Variants in ZNF559 observed in about 807,000 individuals in gnomAD.
The protein encoded by ZNF559 is putative protein product of Nbla00121.
In ZNF559, 17 loss-of-function variants were observed where a neutral mutation model predicts 14.2. The ratio of observed to expected loss-of-function variants is 1.20; its 90% confidence interval spans 0.82 to 1.80. The LOEUF is 1.80. Among genes scored for constraint, ZNF559 ranks in the 40% most tolerant of loss-of-function variants. The probability of loss-of-function intolerance (pLI) is 0.00; values close to 1 mark genes in which losing one functional copy is unlikely to be tolerated. For synonymous variants in ZNF559, 244 were observed against 212.4 expected (o/e 1.15, Z -1.29); for missense variants, 740 against 629.7 (o/e 1.18, Z -1.88).
chr19:9,338,961 A>G (rs558775755), intron 4 of ZNF559, among the ~76,000 whole-genome samples: 1 of 152,292 alleles, frequency 6.6e-6, no homozygotes, highest in East Asian at 1.9e-4. Flanking sequence ...AGAAGTCACA[A>G]TCTAGTTGTG....
At position 9,331,234 on chromosome 19, in the gene ZNF559, T is replaced by C. The variant is rs372191772; in HGVS notation, c.-120+6454T>C. 4.8e-4 allele frequency among the ~76,000 whole-genome samples: 73 copies of C among 152,292 alleles called. 1 individual carries two copies. Among genetic ancestry groups the C allele is most frequent in the African/African-American group, 1.7e-3 (69 of 41,576 alleles). On this transcript the variant is annotated intron_variant, in intron 2 of 6. Coordinates refer to ENST00000603380, the MANE Select transcript of ZNF559 (RefSeq NM_032497.3). ...AAGTAGCCAATCTCACTTCTTCCCA[T>C]GAAGAAATAATGTGCCACCATGTCC...
intron 2 of ZNF559, among the ~76,000 whole-genome samples, chr19:9,328,654 C>T (rs1599293259): frequency 2.0e-5 from 3 of 152,264 alleles, no homozygotes; most frequent in Admixed American, 2.0e-4. Flanking sequence ...GGATTACAGG[C>T]ATGAGCCACT....
chr19:9,325,727 A>C (rs2066551020), intron 2 of ZNF559, among the ~76,000 whole-genome samples: 2 of 151,662 alleles, frequency 1.3e-5, no homozygotes, highest in Non-Finnish European at 2.9e-5. Context: ...CAGAGGTTGC[A>C]GTGAGCCAAG....
At chr19:9,331,837 T>C (rs7256609) in intron 2 of ZNF559, among the ~76,000 whole-genome samples, 92,653 of 152,048 alleles carry the variant, frequency 0.61, 28,863 homozygotes, top group African/African-American at 0.73. Flanking sequence ...CTGACATTTT[T>C]TATGATATAT....
rs1167268627 is a variant in ZNF559, at chr19:9,343,380, A to G, written c.*312A>G. 6 of 1,124,888 alleles carry G rather than the reference A, an allele frequency of 5.3e-6. No homozygotes were observed. In the African/African-American group the frequency reaches 6.4e-5, roughly 12 times the overall value. The allele number at this position is 1,124,888 out of a possible 1,614,324, so 69.7% of individuals were successfully genotyped here. On this transcript the variant is annotated 3_prime_UTR_variant, in exon 7 of 7. Coordinates refer to ENST00000603380, the MANE Select transcript of ZNF559 (RefSeq NM_032497.3). Reference sequence around the variant, plus strand: ...TGAACTCATGCTGGAGAGAAATGCTATGAATGTGAGGAAGGTGGAAAAGCT... The same window carrying G: ...TGAACTCATGCTGGAGAGAAATGCTGTGAATGTGAGGAAGGTGGAAAAGCT...
At chr19:9,334,482 A>C (rs2067117716) in intron 2 of ZNF559, among the ~76,000 whole-genome samples, 1 of 152,198 alleles carries the variant, frequency 6.6e-6, no homozygotes, top group South Asian at 2.1e-4. Flanking sequence ...TGTTGAATCA[A>C]AAAAGCTAGA....
intron 2 of ZNF559, among the ~76,000 whole-genome samples, chr19:9,327,288 C>A (rs1356187378): frequency 6.6e-6 from 1 of 151,466 alleles, no homozygotes; most frequent in Non-Finnish European, 1.5e-5. Context: ...CACTCTGCCG[C>A]CCAGGCTGGA....
chr19:9,340,422 T>C (rs555600639), intron 5 of ZNF559, among the ~76,000 whole-genome samples: 8 of 152,192 alleles, frequency 5.3e-5, no homozygotes, highest in Admixed American at 6.5e-5. Context: ...TTAAGATCTG[T>C]CTCACTTCTC....
chr19:9,338,378 C>T, intron 3 of ZNF559, 116 bp from the exon 4 acceptor site: 1 of 722,474 alleles, frequency 1.4e-6, no homozygotes, highest in Non-Finnish European at 2.3e-6. Flanking sequence ...GCTGCTCAGG[C>T]ATTTTATTAT....
chr19:9,345,817 TTAATA>T lies in ZNF559; in HGVS notation c.*2754_*2758del, dbSNP rs2067714019. 6.6e-6 allele frequency: 1 copy of T among 151,426 alleles called. No homozygotes were observed. The highest frequency in any genetic ancestry group is 1.5e-5 in the Non-Finnish European group (1 of 67,894). The allele number at this position is 151,426 out of a possible 1,614,324, so 9.4% of individuals were successfully genotyped here. On this transcript the variant is annotated 3_prime_UTR_variant, in exon 7 of 7. Transcript: ENST00000603380. Reference sequence around the variant, plus strand: ...TGTATTTGATATTAATACTTTATATTTAATATAATGTACATTTAAATATATAATAA... The same window carrying T: ...TGTATTTGATATTAATACTTTATATTTAATGTACATTTAAATATATAATAA...
chr19:9,324,119 A>G (rs534399528), upstream of ZNF559: 12 of 1,523,140 alleles, frequency 7.9e-6, no homozygotes, highest in African/African-American at 1.5e-4. Flanking sequence ...CGGGAACCCG[A>G]GGCCCCGCCC....
intron 2 of ZNF559, among the ~76,000 whole-genome samples, chr19:9,331,024 G>A (rs1046327142): frequency 6.6e-6 from 1 of 152,154 alleles, no homozygotes; most frequent in African/African-American, 2.4e-5. Context: ...CCATAAGGTT[G>A]ATGACAAGCA....
At chr19:9,340,567 T>TAAA (rs34086147) in intron 5 of ZNF559, among the ~76,000 whole-genome samples, 21 of 75,774 alleles carry the variant, frequency 2.8e-4, no homozygotes, top group African/African-American at 6.5e-4. Context: ...TCTCTGTCTC[T>TAAA]AAAAAAAAAA....
intron 5 of ZNF559, among the ~76,000 whole-genome samples, chr19:9,339,759 A>G (rs967272873): frequency 3.9e-5 from 5 of 128,704 alleles, no homozygotes; most frequent in Admixed American, 2.5e-4. Context: ...TCCCTTGCAC[A>G]TTCTTTACTT....
At chr19:9,334,853 G>A (rs2067140400) in intron 2 of ZNF559, among the ~76,000 whole-genome samples, 1 of 152,134 alleles carries the variant, frequency 6.6e-6, no homozygotes, top group African/African-American at 2.4e-5. Context: ...GGCTGGTCAT[G>A]GCCAGGCGGG....
intron 2 of ZNF559, among the ~76,000 whole-genome samples, chr19:9,328,758 C>T (rs992140112): frequency 3.3e-5 from 5 of 152,256 alleles, no homozygotes; most frequent in South Asian, 2.1e-4. Context: ...GCAAACAACA[C>T]GGTGTCGCAT....
In ZNF559 at chr19:9,324,458, CG is replaced by C. The variant is rs1181776181; in HGVS notation, c.-205-231del. ...GCTGGGGCCTCGGCCCGGGAGGAGG[CG>C]GGGGGCACGGCCTTTCCATTTTCCC... On this transcript the variant is annotated intron_variant, in intron 1 of 6. Coordinates refer to ENST00000603380, the MANE Select transcript of ZNF559 (RefSeq NM_032497.3). 2.8e-6 allele frequency: 4 copies of C among 1,425,724 alleles called. No individual in the cohort carries two copies. In the African/African-American group the frequency reaches 4.3e-5, roughly 15 times the overall value. The allele number at this position is 1,425,724 out of a possible 1,614,324, so 88.3% of individuals were successfully genotyped here.
chr19:9,337,078 G>A (rs1269494453), intron 2 of ZNF559, among the ~76,000 whole-genome samples: 1 of 152,186 alleles, frequency 6.6e-6, no homozygotes, highest in Non-Finnish European at 1.5e-5. Flanking sequence ...AAAGTGTGTA[G>A]TATTCCTGCA....
intron 5 of ZNF559, among the ~76,000 whole-genome samples, chr19:9,340,786 A>G (rs2122263647): frequency 7.1e-6 from 1 of 140,412 alleles, no homozygotes; most frequent in Non-Finnish European, 1.5e-5. Context: ...CATATTGGCC[A>G]GGACTCAATC....
Sources: allele counts gnomAD v4.1 joint callset (sites outside exome capture counted in the v4.1 genomes callset), GRCh38; gene constraint gnomAD v4.1.1; transcripts MANE v1.5; gene names NCBI Gene and HGNC (gene_info 2026-07-23, HGNC 2026-07-21).